The following TBC1D7 variants were observed in gnomAD, a reference collection of about 807,000 sequenced individuals.
TBC1D7 encodes the protein TBC domain family 7.
Under a neutral mutation model 35.3 loss-of-function variants are expected in TBC1D7, and 33 were observed. The observed-to-expected ratio is 0.93, with a 90% CI of 0.71 to 1.25. TBC1D7 has a LOEUF of 1.25. Among genes scored for constraint, TBC1D7 ranks in the 50% most tolerant of loss-of-function variants. The pLI, the probability that TBC1D7 is intolerant of heterozygous loss-of-function variation, is 0.00. For synonymous variants in TBC1D7, 135 were observed against 129.5 expected, an observed-to-expected ratio of 1.04 and a Z score of -0.29; for missense variants, 362 against 365.3, an observed-to-expected ratio of 0.99 and a Z score of 0.07.
chr6:13,310,050 G>T (rs764618911), intron 5 of TBC1D7, among the ~76,000 whole-genome samples: 11 of 152,216 alleles, frequency 7.2e-5, no homozygotes, highest in Admixed American at 1.3e-4. Flanking sequence ...AGGCTGTAGG[G>T]AAACAATCTA....
chr6:13,319,445 A>T (rs1783865756), intron 4 of TBC1D7: 1 of 150,688 alleles, frequency 6.6e-6, no homozygotes. Context: ...GGTCAAAAAG[A>T]GAAAAACTCT....
intron 4 of TBC1D7, chr6:13,318,292 T>C (rs559659960): frequency 2.0e-5 from 3 of 152,352 alleles, no homozygotes; most frequent in Admixed American, 1.3e-4. Flanking sequence ...ATGAGGATCA[T>C]GACTGGGAGA....
intron 5 of TBC1D7, 114 bp from the exon 6 acceptor site, chr6:13,307,859 C>G (rs539964115): frequency 3.6e-4 from 412 of 1,141,476 alleles, no homozygotes; most frequent in Non-Finnish European, 4.9e-4. Flanking sequence ...TATTAGAAAA[C>G]AAAACTTCAG....
chr6:13,310,076 G>A (rs2458310), intron 5 of TBC1D7, among the ~76,000 whole-genome samples: 3 of 152,038 alleles, frequency 2.0e-5, no homozygotes, highest in African/African-American at 7.3e-5. Flanking sequence ...TGTGAGGATG[G>A]AAAAGACTAT....
rs762899582 is a variant in TBC1D7, at chr6:13,320,828, C to T, written c.381+80G>A. ...AGGGAGCCACCAAAAGTTTTTAAGG[C>T]AAAACATGATGTAATCAAAGGCCGG... On this transcript the variant is annotated intron_variant, in intron 4 of 7. Coordinates refer to ENST00000379300, the MANE Select transcript of TBC1D7 (RefSeq NM_016495.6). The T allele has an allele frequency of 7.0e-6, 10 of 1,438,410 alleles. No individual in the cohort carries two copies. In the South Asian group the frequency reaches 9.1e-5, roughly 13 times the overall value. The allele number at this position is 1,438,410 out of a possible 1,614,324, so 89.1% of individuals were successfully genotyped here.
In TBC1D7 at chr6:13,320,950, C is replaced by T; in HGVS notation, c.339G>A (p.Gln113=). The T allele has an allele frequency of 6.2e-7, 1 of 1,614,148 alleles. No homozygotes were observed. Among genetic ancestry groups the T allele is most frequent in the Non-Finnish European group, 8.5e-7 (1 of 1,180,032 alleles). ...TTCGAGGTAACTTCCCAGACTCCAG[C>T]TGATACATGCGGAGATAGACTTCAG... is the stretch of plus-strand genomic sequence containing the variant. ...PQAEVYLRMY[Q]LESGKLPRSP... is the part of the protein sequence containing the mutation. Residue 113 remains glutamine (Q), a synonymous_variant, in exon 4 of 8, where the codon CAG becomes CAA. Coordinates refer to ENST00000379300, the MANE Select transcript of TBC1D7 (RefSeq NM_016495.6).
intron 4 of TBC1D7, among the ~76,000 whole-genome samples, chr6:13,317,818 C>CA (rs563290926): frequency 2.6e-5 from 4 of 152,250 alleles, no homozygotes; most frequent in Admixed American, 2.0e-4. Context: ...AGCACTGCTG[C>CA]ACCCTCTTAT....
chr6:13,314,788 C>A (rs1783485756), intron 5 of TBC1D7, among the ~76,000 whole-genome samples: 1 of 152,146 alleles, frequency 6.6e-6, no homozygotes, highest in Non-Finnish European at 1.5e-5. Flanking sequence ...TCATCTTGCA[C>A]CCTGTACCAC....
chr6:13,308,242 G>A (rs1584527225), intron 5 of TBC1D7, among the ~76,000 whole-genome samples: 1 of 152,194 alleles, frequency 6.6e-6, no homozygotes, highest in Admixed American at 6.5e-5. Flanking sequence ...GACAAAAAGT[G>A]ATGGTGATGA....
At chr6:13,308,536 A>G (rs1384091486) in intron 5 of TBC1D7, among the ~76,000 whole-genome samples, 1 of 152,190 alleles carries the variant, frequency 6.6e-6, no homozygotes, top group Non-Finnish European at 1.5e-5. Context: ...TCCATCTTGC[A>G]TTGGCTGCTA....
chr6:13,312,301 G>GTC (rs1312970562), intron 5 of TBC1D7, among the ~76,000 whole-genome samples: 3 of 152,260 alleles, frequency 2.0e-5, no homozygotes, highest in Non-Finnish European at 4.4e-5. Flanking sequence ...GCAGGTAAGC[G>GTC]TAAGAGTGAA....
At chr6:13,324,433 T>C (rs1784272662) in intron 3 of TBC1D7, among the ~76,000 whole-genome samples, 1 of 152,172 alleles carries the variant, frequency 6.6e-6, no homozygotes, top group Non-Finnish European at 1.5e-5. Flanking sequence ...CAGCCAAAAA[T>C]ACTTTTTTTA....
chr6:13,306,253 T>A, intron 7 of TBC1D7, 145 bp downstream of exon 7: 1 of 584,140 alleles, frequency 1.7e-6, no homozygotes, highest in Non-Finnish European at 2.7e-6. Flanking sequence ...TAATCATTAT[T>A]ATAATTATTC....
At chr6:13,316,739 A>G (rs770234066) in intron 4 of TBC1D7, 31 bp from the exon 5 acceptor site, 3 of 1,609,104 alleles carry the variant, frequency 1.9e-6, no homozygotes, top group South Asian at 2.2e-5. Flanking sequence ...CTCAAGAGGA[A>G]GGCAGTGAAA....
chr6:13,322,221 G>A (rs556292887), intron 3 of TBC1D7, among the ~76,000 whole-genome samples: 6 of 151,576 alleles, frequency 4.0e-5, no homozygotes, highest in South Asian at 4.2e-4. Context: ...ACCACCGCAC[G>A]CCAGCCTAGA....
chr6:13,308,134 A>C (rs533518442), intron 5 of TBC1D7, among the ~76,000 whole-genome samples: 83 of 152,364 alleles, frequency 5.4e-4, no homozygotes, highest in African/African-American at 1.8e-3. Flanking sequence ...GGTCTAGAGC[A>C]GCAGATTATA....
At chr6:13,327,502 C>T (rs1241957861) in intron 1 of TBC1D7, among the ~76,000 whole-genome samples, 2 of 152,072 alleles carry the variant, frequency 1.3e-5, no homozygotes, top group Non-Finnish European at 1.5e-5. Context: ...TAAAAAGCCA[C>T]GAGTTCCTCA....
At chr6:13,321,167 G>C in intron 3 of TBC1D7, 72 bp from the exon 4 acceptor site, 1 of 1,395,332 alleles carries the variant, frequency 7.2e-7, no homozygotes, top group South Asian at 1.3e-5. Context: ...ATCTATGAAA[G>C]AGGATGCCGT....
chr6:13,327,111 C>A (rs1013780228), intron 1 of TBC1D7: 2 of 415,582 alleles, frequency 4.8e-6, no homozygotes, highest in Non-Finnish European at 8.5e-6. Flanking sequence ...GGCTAAAAAC[C>A]AAGATATAAG....
Sources: gnomAD v4.1 joint callset for allele counts (sites outside exome capture counted in the v4.1 genomes callset) on GRCh38, gnomAD v4.1.1 for gene constraint, MANE v1.5 for transcripts, NCBI Gene and HGNC (gene_info 2026-07-23, HGNC 2026-07-21) for gene names.